The following DEPTOR variants were observed in gnomAD, a reference collection of about 807,000 sequenced individuals.
The protein encoded by DEPTOR is DEP domain-containing mTOR-interacting protein.
DEPTOR carries 41 observed loss-of-function variants against 41.6 expected under a neutral mutation model. The observed-to-expected ratio is 0.98, with a 90% CI of 0.77 to 1.28. The LOEUF (loss-of-function observed/expected upper bound fraction) is 1.28, where lower values mean the gene tolerates loss of function less well. DEPTOR is among the 50% of genes most tolerant of loss of function. The pLI is 0.00. For synonymous variants in DEPTOR, 195 were observed against 192.3 expected (o/e 1.01, Z -0.12); for missense variants, 514 against 527.9 (o/e 0.97, Z 0.26).
chr8:119,949,151 C>T (rs577178288), intron 3 of DEPTOR, among the ~76,000 whole-genome samples: 180 of 152,246 alleles, frequency 1.2e-3, no homozygotes, highest in African/African-American at 4.0e-3. Flanking sequence ...TTGTGACTGT[C>T]TTCTTTCACT....
At chr8:119,883,560 G>A (rs1056121517) in intron 1 of DEPTOR, among the ~76,000 whole-genome samples, 4 of 151,498 alleles carry the variant, frequency 2.6e-5, no homozygotes, top group African/African-American at 9.7e-5. Context: ...TAGCAAAAGG[G>A]AACAAATGTC....
At chr8:119,970,108 G>GATAT (rs57528009) in intron 4 of DEPTOR, among the ~76,000 whole-genome samples, 5,418 of 151,674 alleles carry the variant, frequency 0.036, 106 homozygotes, top group African/African-American at 0.052. Context: ...TATTTATGTG[G>GATAT]ATATATATAT....
At chr8:120,034,927 G>T (rs189105168) in intron 8 of DEPTOR, among the ~76,000 whole-genome samples, 1 of 152,050 alleles carries the variant, frequency 6.6e-6, no homozygotes, top group African/African-American at 2.4e-5. Context: ...AGATTCTTAC[G>T]GAGGAAAAAA....
chr8:119,938,911 T>C (rs1010693243), intron 3 of DEPTOR, among the ~76,000 whole-genome samples: 3 of 139,872 alleles, frequency 2.1e-5, no homozygotes, highest in Admixed American at 7.0e-5. Flanking sequence ...CTCTCTTTCT[T>C]TCTCTTTCTT....
At chr8:120,030,461 C>T (rs768222134) in intron 8 of DEPTOR, among the ~76,000 whole-genome samples, 48 of 136,462 alleles carry the variant, frequency 3.5e-4, no homozygotes, top group Non-Finnish European at 6.9e-4. Context: ...AAACCATAGA[C>T]TCTGGGTGAT....
At chr8:119,899,639 T>C (rs1201705002) in intron 1 of DEPTOR, among the ~76,000 whole-genome samples, 2 of 152,238 alleles carry the variant, frequency 1.3e-5, no homozygotes, top group African/African-American at 4.8e-5. Flanking sequence ...TCACAATCTG[T>C]TATGAGACAA....
At chr8:119,874,181 A>C in intron 1 of DEPTOR, 1 of 712,910 alleles carries the variant, frequency 1.4e-6, no homozygotes, top group Middle Eastern at 4.1e-4. Flanking sequence ...GCTGCCTGGC[A>C]GAAGCCGACG....
chr8:119,969,716 A>G (rs1444325961), intron 4 of DEPTOR: 3 of 152,172 alleles, frequency 2.0e-5, no homozygotes, highest in Non-Finnish European at 4.4e-5. Flanking sequence ...TGAATATTCT[A>G]CATAGCAACT....
intron 8 of DEPTOR, among the ~76,000 whole-genome samples, chr8:120,029,107 A>G (rs1251124085): frequency 2.0e-5 from 3 of 151,770 alleles, no homozygotes; most frequent in Non-Finnish European, 4.4e-5. Context: ...TCATGCACTC[A>G]TCTTGGTTAC....
At chr8:119,937,648 A>G (rs926291538) in intron 3 of DEPTOR, among the ~76,000 whole-genome samples, 104 of 152,274 alleles carry the variant, frequency 6.8e-4, no homozygotes, top group African/African-American at 2.4e-3. Context: ...TTTTTACCCT[A>G]CTTGCAAGCT....
intron 3 of DEPTOR, among the ~76,000 whole-genome samples, chr8:119,933,064 G>A (rs184373788): frequency 7.2e-5 from 11 of 152,226 alleles, no homozygotes; most frequent in South Asian, 2.1e-4. Flanking sequence ...ATGGGAGGCC[G>A]TTGGAGAGGA....
chr8:120,006,927 G>A (rs541439489), intron 7 of DEPTOR, 52 bp downstream of exon 7: 43 of 1,533,232 alleles, frequency 2.8e-5, no homozygotes, highest in African/African-American at 2.6e-4. Context: ...TTTCTGCACC[G>A]TGTCCATGTG....
At chr8:119,882,191 T>A (rs1043676073) in intron 1 of DEPTOR, among the ~76,000 whole-genome samples, 11 of 152,148 alleles carry the variant, frequency 7.2e-5, no homozygotes, top group Non-Finnish European at 1.5e-4. Context: ...GCGCTCGGCC[T>A]TGTAATTACT....
In DEPTOR at chr8:119,965,409, T is replaced by C. The variant is rs767583899; in HGVS notation, c.603T>C (p.His201=). ...TTATGGAGCATGGCATCATCCAGCA[T>C]GGTGAGCGTATTGGGCAGCTTTTGC... is the stretch of plus-strand genomic sequence containing the variant. ...HRLMEHGIIQ[H]VSNKHPFVDS... is the part of the protein sequence containing the mutation. The change falls in exon 4 of 9, where the codon CAT becomes CAC. Residue 201 remains histidine (H), a splice_region_variant and synonymous_variant. Coordinates refer to ENST00000286234, the MANE Select transcript of DEPTOR (RefSeq NM_022783.4). 8 of 1,613,176 alleles carry C rather than the reference T, an allele frequency of 5.0e-6. No individual in the cohort carries two copies. The highest frequency in any genetic ancestry group is 6.8e-6 in the Non-Finnish European group (8 of 1,179,784).
intron 1 of DEPTOR, among the ~76,000 whole-genome samples, chr8:119,920,901 T>A (rs763107009): frequency 6.6e-6 from 1 of 152,186 alleles, no homozygotes; most frequent in Non-Finnish European, 1.5e-5. Flanking sequence ...TTCCTGTTGC[T>A]TTCTTGGCTT....
At chr8:119,938,944 G>GCTCTCTCT (rs139892847) in intron 3 of DEPTOR, among the ~76,000 whole-genome samples, 10,341 of 125,780 alleles carry the variant, frequency 0.082, 452 homozygotes, top group Middle Eastern at 0.11. Flanking sequence ...GTTCCTTCTT[G>GCTCTCTCT]CTCTCTCTCT....
At chr8:120,024,466 A>T (rs183641254) in intron 8 of DEPTOR, among the ~76,000 whole-genome samples, 1 of 152,300 alleles carries the variant, frequency 6.6e-6, no homozygotes, top group East Asian at 1.9e-4. Context: ...CTCTTTGGAA[A>T]TAGGGGCCTT....
rs1231668035 is a variant in DEPTOR at position 120,050,754 on chromosome 8, T to G, written c.*1050T>G. The G allele has an allele frequency of 6.6e-6, 1 of 152,158 alleles. No homozygotes were observed. The allele number at this position is 152,158 out of a possible 1,614,324, so 9.4% of individuals were successfully genotyped here. A position where few individuals can be genotyped will look rare whatever the true frequency, so the allele number is the denominator to read the frequency against. On this transcript the variant is annotated 3_prime_UTR_variant, in exon 9 of 9. Coordinates refer to ENST00000286234, the MANE Select transcript of DEPTOR (RefSeq NM_022783.4). ...TATACGCACGTTTTCATTTTTGGTC[T>G]AGAAAATAGTGCATTTTGGGGCTCA...
chr8:119,887,749 C>T (rs555140233), intron 1 of DEPTOR, among the ~76,000 whole-genome samples: 133 of 151,734 alleles, frequency 8.8e-4, no homozygotes, highest in African/African-American at 3.1e-3. Flanking sequence ...AAGTGATCCG[C>T]CCACCTCAGC....
Sources: gnomAD v4.1 joint callset for allele counts (sites outside exome capture counted in the v4.1 genomes callset) on GRCh38, gnomAD v4.1.1 for gene constraint, MANE v1.5 for transcripts, NCBI Gene and HGNC (gene_info 2026-07-23, HGNC 2026-07-21) for gene names.